IGF2R: variants seen among roughly 807,000 people sequenced by gnomAD.
IGF2R encodes the protein insulin like growth factor 2 receptor, also known as cation-independent mannose-6-phosphate receptor.
In IGF2R, 91 loss-of-function variants were observed where a neutral mutation model predicts 270.6. The observed-to-expected ratio is 0.34, with a 90% CI of 0.28 to 0.40. The LOEUF is 0.40. IGF2R is among the 10% of genes least tolerant of loss of function. IGF2R has a pLI of 1.00. For missense variants in IGF2R, 2,805 were observed against 3,188.3 expected, an observed-to-expected ratio of 0.88 and a Z score of 2.90; for synonymous variants, 1,316 against 1,258.9, an observed-to-expected ratio of 1.05 and a Z score of -0.96.
chr6:160,064,182 A>T (rs1778504689), intron 27 of IGF2R, among the ~76,000 whole-genome samples: 1 of 152,226 alleles, frequency 6.6e-6, no homozygotes, highest in Non-Finnish European at 1.5e-5. Flanking sequence ...TCATGTCATC[A>T]TACACGGGTC....
At chr6:160,036,348 A>G (rs1024272048) in intron 10 of IGF2R, among the ~76,000 whole-genome samples, 1 of 151,938 alleles carries the variant, frequency 6.6e-6, no homozygotes, top group Non-Finnish European at 1.5e-5. Context: ...CGTCTCTCCT[A>G]CTTGGTGTCC....
intron 11 of IGF2R, among the ~76,000 whole-genome samples, chr6:160,041,964 A>C (rs1443001243): frequency 6.6e-6 from 1 of 150,676 alleles, no homozygotes; most frequent in Non-Finnish European, 1.5e-5. Context: ...CTTACGGTGA[A>C]CTGGGTGGTG....
Position 160,046,022 on chromosome 6 carries a change from G to A in IGF2R, c.1903+140G>A, listed in dbSNP as rs1380381981. The stretch of plus-strand genomic sequence containing the variant: ...TGTTTGAACAAAATTCTGAACATCC[G>A]ATGTTTGAGGCTTATTTGAGATACT... On this transcript the variant is annotated intron_variant, in intron 14 of 47. Coordinates refer to ENST00000356956, the MANE Select transcript of IGF2R (RefSeq NM_000876.4). 9 of 647,286 alleles carry A rather than the reference G, an allele frequency of 1.4e-5. No homozygotes were observed. In the East Asian group the frequency reaches 2.1e-4, roughly 15 times the overall value. The allele number at this position is 647,286 out of a possible 1,614,324, so 40.1% of individuals were successfully genotyped here.
In IGF2R at chr6:160,060,508, T is replaced by C. The variant is rs201394468; in HGVS notation, c.3092-39T>C. ...TGCTTGTGGGCTGCGCCATGAATAC[T>C]GTTCTGTCTCTTAAAATCTGGGCCT... On this transcript the variant is annotated intron_variant, in intron 22 of 47. Transcript: ENST00000356956. The C allele has an allele frequency of 4.5e-5, 73 of 1,606,412 alleles. No individual in the cohort carries two copies. The African/African-American group carries it at 8.5e-4, about 19-fold the overall frequency.
chr6:159,972,802 C>T (rs1188237323), intron 1 of IGF2R, among the ~76,000 whole-genome samples: 2 of 152,240 alleles, frequency 1.3e-5, no homozygotes, highest in Non-Finnish European at 2.9e-5. Flanking sequence ...GGCCTGCCCT[C>T]TGAGTTGTGC....
intron 44 of IGF2R, among the ~76,000 whole-genome samples, chr6:160,092,630 C>T (rs1169612272): frequency 6.6e-6 from 1 of 152,228 alleles, no homozygotes; most frequent in East Asian, 1.9e-4. Context: ...GAGGGCAGAG[C>T]TGTCTCTCAT....
rs8191756 is a variant in IGF2R, at chr6:160,027,951, T to G, written c.776+637T>G. On this transcript the variant is annotated intron_variant, in intron 6 of 47. Transcript: ENST00000356956. ...GCTCTAGTCTGGAGCTCGTGGCATG[T>G]CTGGGTGGTTGTAGGGAGCATGTGC... 3.5e-3 allele frequency among the ~76,000 whole-genome samples: 538 copies of G among 152,290 alleles called. 4 individuals carry two copies. Among genetic ancestry groups the G allele is most frequent in the Non-Finnish European group, 5.4e-3 (367 of 68,014 alleles).
chr6:160,061,660 G>C lies in IGF2R; in HGVS notation c.3406+14G>C. On this transcript the variant is annotated intron_variant, in intron 24 of 47. Transcript: ENST00000356956. ...CTGGATGCCAGGGTGAGTTCTCCTTGGTCTCTTGATTGGCGTCTGTTCATT... is the reference window on the plus strand; with the variant it reads ...CTGGATGCCAGGGTGAGTTCTCCTTCGTCTCTTGATTGGCGTCTGTTCATT... 1 of 1,614,020 alleles carries C rather than the reference G, an allele frequency of 6.2e-7. No individual in the cohort carries two copies. Among genetic ancestry groups the C allele is most frequent in the Non-Finnish European group, 8.5e-7 (1 of 1,179,974 alleles).
At chr6:159,986,966 A>G (rs1783897813) in intron 1 of IGF2R, among the ~76,000 whole-genome samples, 3 of 152,322 alleles carry the variant, frequency 2.0e-5, no homozygotes, top group African/African-American at 7.2e-5. Flanking sequence ...AAAATTTATT[A>G]TTCCTCAAAG....
At chr6:159,970,350 TGTTACTTTTACAA>T (rs1280265272) in intron 1 of IGF2R, among the ~76,000 whole-genome samples, 48 of 152,340 alleles carry the variant, frequency 3.2e-4, no homozygotes, top group South Asian at 6.2e-4. Context: ...TCCCTGTTAC[TGTTACTTTTACAA>T]GTTACTTTTA....
intron 34 of IGF2R, 59 bp from the exon 35 acceptor site, chr6:160,073,698 C>T: frequency 7.2e-7 from 1 of 1,390,052 alleles, no homozygotes. Context: ...TTATGGATGA[C>T]CTAGTGGTGA....
At chr6:160,026,860 A>G (rs928537527) in intron 5 of IGF2R, among the ~76,000 whole-genome samples, 1 of 152,024 alleles carries the variant, frequency 6.6e-6, no homozygotes, top group African/African-American at 2.4e-5. Flanking sequence ...GAGTGCCTGC[A>G]TTTTCTAGTC....
Position 160,093,168 on chromosome 6 carries a change from C to T in IGF2R, c.6655+3065C>T, listed in dbSNP as rs559223457. The T allele has an allele frequency of 5.4e-4, 87 of 162,460 alleles. 1 individual carries two copies. Among genetic ancestry groups the T allele is most frequent in the Middle Eastern group, 3.1e-3 (1 of 322 alleles). 10.1% of individuals were successfully genotyped at this position (162,460 alleles called of 1,614,324 possible). On this transcript the variant is annotated intron_variant, in intron 44 of 47. Transcript: ENST00000356956. ...AGATGTGTTGTGTTCCCAGCACCCA[C>T]GTGTGGCAGTGCACATGGAGTATCA... is the stretch of plus-strand genomic sequence containing the variant.
intron 29 of IGF2R, among the ~76,000 whole-genome samples, chr6:160,067,996 T>A (rs547063020): frequency 1.3e-5 from 2 of 152,188 alleles, no homozygotes; most frequent in Admixed American, 6.5e-5. Flanking sequence ...AATTTTTTTT[T>A]AAGTGAGCCT....
intron 10 of IGF2R, among the ~76,000 whole-genome samples, chr6:160,035,661 A>AT (rs1777803428): frequency 6.6e-6 from 1 of 152,104 alleles, no homozygotes; most frequent in Non-Finnish European, 1.5e-5. Context: ...CAATACACAC[A>AT]TTTTTTAAGT....
Position 160,073,975 on chromosome 6 carries a change from A to G in IGF2R, c.5166A>G (p.Ile1722Met), listed in dbSNP as rs375412653. Residue 1722 changes from isoleucine (I) to methionine (M), a missense_variant and splice_region_variant, in exon 35 of 48, where the codon ATA becomes ATG. Physicochemically the swap from Ile to Met is conservative, Grantham distance 10 (BLOSUM62 1). This residue lies in a region of IGF2R where 1,851 missense variants were observed against 2,207.2 expected (regional missense o/e 0.84). Transcript: ENST00000356956. ...AAGTTCCTATTGATGGTCCCCCCAT[A>G]GTAAGTATGACAAATCCAAGGGTGG... Reference protein sequence around the residue: ...VCKVPIDGPPIDIGRVAGPPI... With the variant: ...VCKVPIDGPPMDIGRVAGPPI... The G allele has an allele frequency of 6.8e-6, 11 of 1,606,756 alleles. No homozygotes were observed. In the East Asian group the frequency reaches 2.2e-4, roughly 33 times the overall value.
chr6:160,024,999 G>A (rs551630175), intron 5 of IGF2R, among the ~76,000 whole-genome samples: 5 of 152,158 alleles, frequency 3.3e-5, no homozygotes, highest in East Asian at 1.9e-4. Flanking sequence ...AGTGAGGGTC[G>A]GTCTTGTTCT....
At chr6:160,048,271 G>A in intron 17 of IGF2R, 104 bp from the exon 18 acceptor site, 1 of 1,086,860 alleles carries the variant, frequency 9.2e-7, no homozygotes, top group Non-Finnish European at 1.4e-6. Context: ...GATTGGTGGA[G>A]CATGTTTTAT....
rs149806081 is a variant in IGF2R, at chr6:160,080,531, C to T, written c.5833+256C>T. On this transcript the variant is annotated intron_variant, in intron 39 of 47. Coordinates refer to ENST00000356956, the MANE Select transcript of IGF2R (RefSeq NM_000876.4). Reference sequence around the variant, plus strand: ...GTGGCTGGCTAGGCCCACTCACTAGCTGGAGGGCCTTGTGTCCACATACCA... The same window carrying T: ...GTGGCTGGCTAGGCCCACTCACTAGTTGGAGGGCCTTGTGTCCACATACCA... Among the ~76,000 whole-genome samples the T allele has an allele frequency of 1.3e-5, 2 of 152,336 alleles. 1 individual carries two copies. The highest frequency in any genetic ancestry group is 3.9e-4 in the East Asian group (2 of 5,186).
Sources: gnomAD v4.1 joint callset for allele counts (sites outside exome capture counted in the v4.1 genomes callset) on GRCh38, gnomAD v4.1.1 for gene constraint, gnomAD v4.1.1 regional missense constraint, MANE v1.5 for transcripts, NCBI Gene and HGNC (gene_info 2026-07-23, HGNC 2026-07-21) for gene names.